Variants in SGCZ observed in about 807,000 individuals in gnomAD.
SGCZ encodes sarcoglycan zeta.
Under a neutral mutation model 41.3 loss-of-function variants are expected in SGCZ, and 40 were observed. The ratio of observed to expected loss-of-function variants is 0.97; its 90% CI spans 0.75 to 1.26. The LOEUF is 1.26. SGCZ is among the 50% of genes most tolerant of loss of function. The probability of loss-of-function intolerance (pLI) is 0.00; values close to 1 mark genes in which losing one functional copy is unlikely to be tolerated. For missense variants in SGCZ, 552 were observed against 369.8 expected, an observed-to-expected ratio of 1.49 and a Z score of -4.04; for synonymous variants, 206 against 137.5, an observed-to-expected ratio of 1.50 and a Z score of -3.49.
chr8:15,160,255 T>C (rs1348856128), intron 1 of SGCZ, among the ~76,000 whole-genome samples: 1 of 152,194 alleles, frequency 6.6e-6, no homozygotes, highest in Non-Finnish European at 1.5e-5. Context: ...TCACTCAGAA[T>C]AATGTCCTCA....
chr8:14,423,941 G>C (rs73664361), intron 2 of SGCZ, among the ~76,000 whole-genome samples: 6,147 of 151,816 alleles, frequency 0.04, 405 homozygotes, highest in African/African-American at 0.14. Flanking sequence ...AATCATTAAA[G>C]TATAATAAAT....
rs574831680 is a variant in SGCZ at position 14,518,483 on chromosome 8, A to G, written c.234+36249T>C. 2.4e-4 allele frequency among the ~76,000 whole-genome samples: 37 copies of G among 152,252 alleles called. 1 individual carries two copies. In the South Asian group the frequency reaches 4.6e-3, roughly 19 times the overall value. ...ATTTTATTTCAACATGCCACTTATT[A>G]TAATGTGATATGGTAGCAGATTGCA... is the stretch of plus-strand genomic sequence containing the variant. On this transcript the variant is annotated intron_variant, in intron 2 of 7. Transcript: ENST00000382080.
At chr8:14,721,563 G>A (rs1399172219) in intron 1 of SGCZ, among the ~76,000 whole-genome samples, 1 of 152,100 alleles carries the variant, frequency 6.6e-6, no homozygotes, top group Admixed American at 6.5e-5. Context: ...AGTATACACA[G>A]AATCCGTCTA....
intron 2 of SGCZ, among the ~76,000 whole-genome samples, chr8:14,452,469 C>G (rs1012566306): frequency 2.0e-5 from 3 of 151,704 alleles, no homozygotes; most frequent in African/African-American, 7.3e-5. Context: ...GGTGACAGAG[C>G]AAGACTCGAT....
chr8:14,107,663 G>A (rs1233652477), intron 6 of SGCZ, among the ~76,000 whole-genome samples: 2 of 151,780 alleles, frequency 1.3e-5, no homozygotes, highest in East Asian at 3.9e-4. Context: ...TTTACAGATG[G>A]GGTCTTGCTG....
intron 2 of SGCZ, among the ~76,000 whole-genome samples, chr8:14,377,487 C>A (rs1157860393): frequency 1.3e-5 from 2 of 150,410 alleles, no homozygotes; most frequent in African/African-American, 2.5e-5. Flanking sequence ...TCCTGAGAAC[C>A]CTTGATTTTT....
At chr8:14,301,551 C>G (rs1316425371) in intron 3 of SGCZ, among the ~76,000 whole-genome samples, 3 of 152,126 alleles carry the variant, frequency 2.0e-5, no homozygotes, top group Non-Finnish European at 4.4e-5. Flanking sequence ...TACAAATTGA[C>G]TTACATGAAA....
intron 2 of SGCZ, among the ~76,000 whole-genome samples, chr8:14,426,520 AG>A (rs144425890): frequency 0.097 from 14,689 of 152,076 alleles, 2,085 homozygotes; most frequent in African/African-American, 0.31. Context: ...TAAAAGTGTC[AG>A]TTATGACCAG....
intron 1 of SGCZ, among the ~76,000 whole-genome samples, chr8:15,083,680 C>G (rs1251525135): frequency 6.6e-6 from 1 of 152,138 alleles, no homozygotes; most frequent in Non-Finnish European, 1.5e-5. Flanking sequence ...TCCAGAGTAG[C>G]TGAGGCCACA....
intron 2 of SGCZ, among the ~76,000 whole-genome samples, chr8:14,432,716 C>A (rs1364420185): frequency 6.6e-6 from 1 of 152,012 alleles, no homozygotes; most frequent in African/African-American, 2.4e-5. Context: ...GAGTTCGAGA[C>A]CAGCCTGGCC....
At chr8:15,015,224 C>G (rs1468427158) in intron 1 of SGCZ, among the ~76,000 whole-genome samples, 1 of 151,430 alleles carries the variant, frequency 6.6e-6, no homozygotes, top group East Asian at 1.9e-4. Context: ...GCCTGAGAAA[C>G]AGAGTGAGAC....
chr8:15,195,253 G>A (rs79060924), intron 1 of SGCZ, among the ~76,000 whole-genome samples: 1,870 of 152,134 alleles, frequency 0.012, 36 homozygotes, highest in African/African-American at 0.043. Flanking sequence ...TCCTTTACTG[G>A]GAGACGTGTG....
intron 2 of SGCZ, among the ~76,000 whole-genome samples, chr8:14,443,893 A>T (rs1392538644): frequency 6.6e-6 from 1 of 152,172 alleles, no homozygotes; most frequent in Non-Finnish European, 1.5e-5. Flanking sequence ...AATGGGAGAA[A>T]ATTTTTGCAA....
chr8:14,787,220 C>T (rs145687693), intron 1 of SGCZ, among the ~76,000 whole-genome samples: 335 of 152,054 alleles, frequency 2.2e-3, no homozygotes, highest in African/African-American at 7.2e-3. Context: ...CAGAAGAAGC[C>T]GAAGACTTCG....
At chr8:15,022,308 T>C (rs2130944330) in intron 1 of SGCZ, among the ~76,000 whole-genome samples, 1 of 152,284 alleles carries the variant, frequency 6.6e-6, no homozygotes, top group East Asian at 1.9e-4. Context: ...TAGATCCAAT[T>C]TTTCTAAAAT....
chr8:14,477,199 A>G (rs922787582), intron 2 of SGCZ, among the ~76,000 whole-genome samples: 9 of 152,312 alleles, frequency 5.9e-5, no homozygotes, highest in African/African-American at 2.2e-4. Flanking sequence ...ATACCTATTT[A>G]TAAAATTATT....
intron 1 of SGCZ, among the ~76,000 whole-genome samples, chr8:15,194,054 T>C (rs1283367647): frequency 6.6e-6 from 1 of 152,150 alleles, no homozygotes; most frequent in African/African-American, 2.4e-5. Context: ...TGGAAAAACA[T>C]TTTTTCTTAA....
intron 3 of SGCZ, among the ~76,000 whole-genome samples, chr8:14,283,587 T>C (rs1355524266): frequency 6.6e-6 from 1 of 152,196 alleles, no homozygotes; most frequent in South Asian, 2.1e-4. Flanking sequence ...CGTTAAACCC[T>C]TGTGGGTTAT....
chr8:14,572,387 G>C (rs79770526), intron 1 of SGCZ, among the ~76,000 whole-genome samples: 2 of 152,078 alleles, frequency 1.3e-5, no homozygotes, highest in Non-Finnish European at 2.9e-5. Context: ...AAGGAAGAAA[G>C]AGAATTAACA....
Sources: gnomAD v4.1 joint callset for allele counts (sites outside exome capture counted in the v4.1 genomes callset) on GRCh38, gnomAD v4.1.1 for gene constraint, MANE v1.5 for transcripts, NCBI Gene and HGNC (gene_info 2026-07-23, HGNC 2026-07-21) for gene names.